The following ADAM17 variants were observed in gnomAD, a reference collection of about 807,000 sequenced individuals.
The protein encoded by ADAM17 is disintegrin and metalloproteinase domain-containing protein 17.
Under a neutral mutation model 96.7 loss-of-function variants are expected in ADAM17, and 39 were observed. The observed-to-expected ratio is 0.40, with a 90% CI of 0.31 to 0.53. ADAM17 has a LOEUF of 0.53. ADAM17 is among the 20% of genes least tolerant of loss of function. The pLI is 0.44. For missense variants in ADAM17, 777 were observed against 1,013.2 expected (o/e 0.77, Z 3.17); for synonymous variants, 344 against 359.2 (o/e 0.96, Z 0.48).
At chr2:9,499,270 TTTAC>T (rs1662849738) in intron 13 of ADAM17, among the ~76,000 whole-genome samples, 1 of 152,162 alleles carries the variant, frequency 6.6e-6, no homozygotes, top group Admixed American at 6.5e-5. Flanking sequence ...TTCAAATTGT[TTTAC>T]TTACGTTTAT....
rs578189296 is a variant in ADAM17, at chr2:9,555,564, G to T, written c.42C>A (p.Phe14Leu). The stretch of plus-strand genomic sequence containing the variant: ...CATCCGGAGGTCGCGGCGCCAGCAC[G>T]AAAGGAACCACGCTGGTCAGGAATA... ...SLLFLTSVVP[F>L]VLAPRPPDDP... The change falls in exon 1 of 19, where the codon TTC (phenylalanine) becomes TTA (leucine). Residue 14 changes from phenylalanine to leucine, a missense_variant. Physicochemically the swap from Phe to Leu is conservative, Grantham distance 22. Transcript: ENST00000310823. 1.9e-6 allele frequency: 3 copies of T among 1,602,124 alleles called. No homozygotes were observed. In the Admixed American group the frequency reaches 5.1e-5, roughly 27 times the overall value.
chr2:9,555,094 G>A (rs1314731853), intron 1 of ADAM17, among the ~76,000 whole-genome samples: 1 of 151,932 alleles, frequency 6.6e-6, no homozygotes, highest in Non-Finnish European at 1.5e-5. Flanking sequence ...GAAGAATTCT[G>A]GAGCTTTGGG....
chr2:9,526,344 G>A, intron 5 of ADAM17, 100 bp from the exon 6 acceptor site: 1 of 1,268,328 alleles, frequency 7.9e-7, no homozygotes, highest in Non-Finnish European at 1.1e-6. Flanking sequence ...CAAACATTAT[G>A]TGAGCTTAAT....
intron 2 of ADAM17, among the ~76,000 whole-genome samples, chr2:9,538,562 T>A (rs796361529): frequency 3.9e-5 from 6 of 152,346 alleles, no homozygotes; most frequent in African/African-American, 1.4e-4. Flanking sequence ...ATACTTATTA[T>A]AAATGTCTTA....
chr2:9,532,638 A>AT (rs70948827), intron 4 of ADAM17, among the ~76,000 whole-genome samples: 25,739 of 114,318 alleles, frequency 0.23, 3,672 homozygotes, highest in Non-Finnish European at 0.3. Flanking sequence ...TGCCCAGCTA[A>AT]TTTTTTTTTT....
intron 4 of ADAM17, among the ~76,000 whole-genome samples, chr2:9,532,018 G>A (rs1297906449): frequency 6.6e-6 from 1 of 152,202 alleles, no homozygotes; most frequent in East Asian, 1.9e-4. Flanking sequence ...AGGCAGAAAA[G>A]AGGGATTGTT....
chr2:9,536,685 G>C lies in ADAM17; in HGVS notation c.361+13C>G. ...ACCAGACACAGGGGCAAACCAACAA[G>C]CTCCATACTAACCAACCACGTGTCC... On this transcript the variant is annotated intron_variant, in intron 3 of 18. Transcript: ENST00000310823. 1.2e-6 allele frequency: 2 copies of C among 1,613,536 alleles called. No individual in the cohort carries two copies. The highest frequency in any genetic ancestry group is 1.1e-5 in the South Asian group (1 of 90,990).
In ADAM17 at chr2:9,502,152, G is replaced by C. The variant is rs1014963459; in HGVS notation, c.1648+21C>G. ...ACACACTTGACCCACAGCATTCCAA[G>C]GAAGCAACAAGAACACGAACCTGTG... On this transcript the variant is annotated intron_variant, in intron 13 of 18. Transcript: ENST00000310823. 3.8e-5 allele frequency: 61 copies of C among 1,599,624 alleles called. 1 individual carries two copies. Among genetic ancestry groups the C allele is most frequent in the Non-Finnish European group, 1.1e-5 (13 of 1,167,486 alleles).
chr2:9,528,607 G>C (rs1254522404), intron 4 of ADAM17, among the ~76,000 whole-genome samples: 1 of 152,160 alleles, frequency 6.6e-6, no homozygotes, highest in Admixed American at 6.5e-5. Context: ...AAGGCTGTTT[G>C]TTTGTTTTGT....
chr2:9,530,005 T>C (rs912705172), intron 4 of ADAM17, among the ~76,000 whole-genome samples: 3 of 151,830 alleles, frequency 2.0e-5, no homozygotes, highest in African/African-American at 7.3e-5. Flanking sequence ...ACTACAAAAT[T>C]GTATACATTA....
intron 6 of ADAM17, among the ~76,000 whole-genome samples, chr2:9,525,364 A>G (rs1314869313): frequency 1.3e-5 from 2 of 151,828 alleles, no homozygotes; most frequent in African/African-American, 2.4e-5. Context: ...GGGTATGAAT[A>G]AAATGGACAG....
chr2:9,544,125 A>C (rs1665320009), intron 1 of ADAM17, among the ~76,000 whole-genome samples: 1 of 151,850 alleles, frequency 6.6e-6, no homozygotes, highest in Admixed American at 6.6e-5. Flanking sequence ...CCAATACCCT[A>C]CCCTCCTACC....
chr2:9,502,288 C>G lies in ADAM17; in HGVS notation c.1545-12G>C. On this transcript the variant is annotated splice_polypyrimidine_tract_variant and intron_variant, in intron 12 of 18. Transcript: ENST00000310823. ...GACTGTTCCTGTCACTGGAGAAGAA[C>G]AGCAGACAGGAACAGAGCAATTCAA... The G allele has an allele frequency of 1.3e-6, 2 of 1,599,322 alleles. No individual in the cohort carries two copies. The highest frequency in any genetic ancestry group is 1.7e-6 in the Non-Finnish European group (2 of 1,167,468).
At chr2:9,532,055 G>A (rs1664764437) in intron 4 of ADAM17, among the ~76,000 whole-genome samples, 2 of 152,226 alleles carry the variant, frequency 1.3e-5, no homozygotes, top group African/African-American at 4.8e-5. Context: ...AGGCTGCAGT[G>A]AGCTATGATG....
chr2:9,550,593 G>A (rs954406469), intron 1 of ADAM17, among the ~76,000 whole-genome samples: 2 of 151,492 alleles, frequency 1.3e-5, no homozygotes, highest in Admixed American at 6.6e-5. Flanking sequence ...TTACAGGCAC[G>A]CACCACCACG....
At chr2:9,536,499 G>A (rs980050178) in intron 3 of ADAM17, among the ~76,000 whole-genome samples, 199 bp downstream of exon 3, 3 of 152,110 alleles carry the variant, frequency 2.0e-5, no homozygotes, top group Non-Finnish European at 4.4e-5. Context: ...CAGCTAGTAT[G>A]ACATTTAGAT....
chr2:9,522,618 C>T (rs917232336), intron 7 of ADAM17, among the ~76,000 whole-genome samples: 1 of 152,164 alleles, frequency 6.6e-6, no homozygotes, highest in East Asian at 1.9e-4. Flanking sequence ...CTACAAAAAG[C>T]TTGGAAAAAA....
chr2:9,549,856 C>T (rs1326169367), intron 1 of ADAM17, among the ~76,000 whole-genome samples: 1 of 152,086 alleles, frequency 6.6e-6, no homozygotes, highest in Non-Finnish European at 1.5e-5. Flanking sequence ...ATTTTTTCAG[C>T]AAATTGCATT....
intron 4 of ADAM17, 49 bp from the exon 5 acceptor site, chr2:9,528,003 T>C (rs771375662): frequency 1.6e-6 from 2 of 1,237,884 alleles, no homozygotes; most frequent in Non-Finnish European, 2.2e-6. Context: ...TAATAATTCC[T>C]AAACACTAAA....
Sources: gnomAD v4.1 joint callset for allele counts (sites outside exome capture counted in the v4.1 genomes callset) on GRCh38, gnomAD v4.1.1 for gene constraint, MANE v1.5 for transcripts, NCBI Gene and HGNC (gene_info 2026-07-23, HGNC 2026-07-21) for gene names.